CSTPP1: variants seen among roughly 807,000 people sequenced by gnomAD.
CSTPP1 encodes the protein UPF0705 protein C11orf49.
At chr11:46,996,050 T>C in the CSTPP1 span, among the ~76,000 whole-genome samples, 1 of 152,190 alleles carries the variant, frequency 6.6e-6, no homozygotes, top group South Asian at 2.1e-4. Context: ...TTTGTCTCTT[T>C]TGATCTTTGT....
the CSTPP1 span, among the ~76,000 whole-genome samples, chr11:47,055,603 T>C: frequency 6.6e-6 from 1 of 152,196 alleles, no homozygotes; most frequent in African/African-American, 2.4e-5. Context: ...AAGAAATAGG[T>C]AAAGTGGGTA....
At chr11:47,020,659 A>C in the CSTPP1 span, among the ~76,000 whole-genome samples, 1 of 152,230 alleles carries the variant, frequency 6.6e-6, no homozygotes, top group Non-Finnish European at 1.5e-5. Flanking sequence ...TTAGTCATAA[A>C]CAACTAGATT....
At chr11:47,163,668 G>A in the CSTPP1 span, among the ~76,000 whole-genome samples, 1 of 151,990 alleles carries the variant, frequency 6.6e-6, no homozygotes, top group Admixed American at 6.6e-5. Context: ...TTTGAGACAG[G>A]GTCTCACTTT....
the CSTPP1 span, among the ~76,000 whole-genome samples, chr11:46,993,010 T>C: frequency 6.6e-6 from 1 of 152,376 alleles, no homozygotes; most frequent in South Asian, 2.1e-4. Context: ...TTTTTTCATG[T>C]GTCTGTTGGC....
At chr11:46,974,484 GC>G in the CSTPP1 span, among the ~76,000 whole-genome samples, 12 of 144,718 alleles carry the variant, frequency 8.3e-5, no homozygotes, top group Admixed American at 2.2e-4. Flanking sequence ...CAGAGACCTT[GC>G]CATTGCACTC....
At chr11:47,140,764 A>T in the CSTPP1 span, among the ~76,000 whole-genome samples, 1 of 151,698 alleles carries the variant, frequency 6.6e-6, no homozygotes, top group Non-Finnish European at 1.5e-5. Context: ...TTTAAGGAAT[A>T]TTCAGCCCCA....
the CSTPP1 span, among the ~76,000 whole-genome samples, chr11:47,101,408 T>C: frequency 1.3e-5 from 2 of 151,790 alleles, no homozygotes; most frequent in African/African-American, 4.8e-5. Flanking sequence ...CACTGACTTA[T>C]GGTGAGTTTC....
chr11:46,941,766 A>G, the CSTPP1 span, among the ~76,000 whole-genome samples: 1 of 152,210 alleles, frequency 6.6e-6, no homozygotes, highest in Non-Finnish European at 1.5e-5. Context: ...TTTATACATT[A>G]TAAAGTTACT....
chr11:47,147,549 C>G, the CSTPP1 span, among the ~76,000 whole-genome samples: 1 of 152,092 alleles, frequency 6.6e-6, no homozygotes, highest in South Asian at 2.1e-4. Flanking sequence ...AGCAGCAGCA[C>G]CCAGGCCAAA....
chr11:46,969,398 T>C, the CSTPP1 span, among the ~76,000 whole-genome samples: 1 of 152,238 alleles, frequency 6.6e-6, no homozygotes, highest in African/African-American at 2.4e-5. Flanking sequence ...AAAGCTTTTA[T>C]AATTGTTTGC....
chr11:47,125,846 G>A, the CSTPP1 span, among the ~76,000 whole-genome samples: 2 of 152,054 alleles, frequency 1.3e-5, no homozygotes, highest in African/African-American at 2.4e-5. Flanking sequence ...GCAAAACCCC[G>A]TCTCTACTAA....
At chr11:47,027,423 T>C in the CSTPP1 span, among the ~76,000 whole-genome samples, 1 of 152,148 alleles carries the variant, frequency 6.6e-6, no homozygotes, top group East Asian at 1.9e-4. Flanking sequence ...GAAAACCAGG[T>C]CCTTTGCGTA....
At chr11:47,115,202 G>C in the CSTPP1 span, among the ~76,000 whole-genome samples, 3 of 152,136 alleles carry the variant, frequency 2.0e-5, no homozygotes, top group Non-Finnish European at 2.9e-5. Context: ...GGTGGATAAG[G>C]TTTTTGATGT....
At chr11:47,131,883 A>C in the CSTPP1 span, among the ~76,000 whole-genome samples, 1 of 152,136 alleles carries the variant, frequency 6.6e-6, no homozygotes, top group Non-Finnish European at 1.5e-5. Context: ...AGGCTGAGGC[A>C]GGAGAATCGC....
chr11:47,052,134 C>G, the CSTPP1 span: 3 of 297,230 alleles, frequency 1.0e-5, no homozygotes, highest in Non-Finnish European at 1.2e-5. Flanking sequence ...ATGACTGATT[C>G]AGATGTCCTC....
At chr11:46,990,031 T>A in the CSTPP1 span, among the ~76,000 whole-genome samples, 2 of 152,258 alleles carry the variant, frequency 1.3e-5, no homozygotes. Flanking sequence ...CCATATTTTC[T>A]TTATCCAGTT....
chr11:47,089,508 T>C, the CSTPP1 span, among the ~76,000 whole-genome samples: 2 of 152,236 alleles, frequency 1.3e-5, no homozygotes, highest in Admixed American at 1.3e-4. Flanking sequence ...AATTTATTGG[T>C]GTTTTGATTT....
At chr11:46,999,733 G>A in the CSTPP1 span, among the ~76,000 whole-genome samples, 2 of 152,068 alleles carry the variant, frequency 1.3e-5, no homozygotes, top group Admixed American at 6.6e-5. Context: ...TTACAGTTTC[G>A]AGTTCACATC....
chr11:47,160,773 A>G, the CSTPP1 span: 325 of 256,576 alleles, frequency 1.3e-3, 3 homozygotes, highest in African/African-American at 6.8e-3. Context: ...CTTTGGGCTT[A>G]GCCTGGACCA....
Sources: allele counts gnomAD v4.1 joint callset (sites outside exome capture counted in the v4.1 genomes callset), GRCh38; gene constraint gnomAD v4.1.1; transcripts MANE v1.5; gene names NCBI Gene and HGNC (gene_info 2026-07-23, HGNC 2026-07-21).